Variants in SUSD1 observed in about 807,000 individuals in gnomAD.
The protein encoded by SUSD1 is sushi domain-containing protein 1.
A neutral mutation model predicts 86.9 loss-of-function variants in SUSD1; 65 were observed. That is an observed-to-expected ratio of 0.75 (90% CI 0.61 to 0.92). The LOEUF is 0.92. Ranked by LOEUF, SUSD1 falls within the 40% of genes least tolerant of loss-of-function variation. The pLI, the probability that SUSD1 is intolerant of heterozygous loss-of-function variation, is 0.00. For synonymous variants in SUSD1, 346 were observed against 350.0 expected, an observed-to-expected ratio of 0.99 and a Z score of 0.13; for missense variants, 850 against 929.7, an observed-to-expected ratio of 0.91 and a Z score of 1.11.
chr9:112,155,321 A>C (rs904703189), intron 2 of SUSD1, among the ~76,000 whole-genome samples: 9 of 151,930 alleles, frequency 5.9e-5, no homozygotes, highest in Non-Finnish European at 1.3e-4. Context: ...TGAACAGAAA[A>C]ATTTATCCAT....
chr9:112,162,022 A>G (rs896232143), intron 1 of SUSD1, among the ~76,000 whole-genome samples: 8 of 152,204 alleles, frequency 5.3e-5, no homozygotes, highest in Non-Finnish European at 1.2e-4. Context: ...AATAGTAAGA[A>G]AATATTGAAA....
At chr9:112,138,237 G>GTGTATATATATATATATATATATATATA (rs1554770274) in intron 5 of SUSD1, among the ~76,000 whole-genome samples, 1 of 4,152 alleles carries the variant, frequency 2.4e-4, no homozygotes, top group Admixed American at 3.6e-3. Context: ...AAAAAAATGT[G>GTGTATATATATATATATATATATATATA]TATATATATA....
intron 5 of SUSD1, among the ~76,000 whole-genome samples, chr9:112,132,980 A>G (rs700102): frequency 0.15 from 22,778 of 152,236 alleles, 2,267 homozygotes; most frequent in East Asian, 0.42. Context: ...AAAATGTTAT[A>G]CAGCAGAAAG....
At chr9:112,056,315 A>G (rs908998013) in intron 14 of SUSD1, among the ~76,000 whole-genome samples, 3 of 152,010 alleles carry the variant, frequency 2.0e-5, no homozygotes, top group Non-Finnish European at 4.4e-5. Context: ...AGGGCTGTGG[A>G]AGGAAGGAAT....
At chr9:112,061,006 A>G (rs1828699051) in intron 13 of SUSD1, among the ~76,000 whole-genome samples, 1 of 152,150 alleles carries the variant, frequency 6.6e-6, no homozygotes, top group South Asian at 2.1e-4. Context: ...CTTGATTATT[A>G]TACAAATTCC....
chr9:112,082,105 C>A (rs1316906801), intron 10 of SUSD1, among the ~76,000 whole-genome samples: 2 of 151,204 alleles, frequency 1.3e-5, no homozygotes, highest in East Asian at 1.9e-4. Flanking sequence ...CTAGACAATG[C>A]AGAAAAAGGC....
At chr9:112,052,799 C>T (rs1014750606) in intron 14 of SUSD1, among the ~76,000 whole-genome samples, 15 of 152,248 alleles carry the variant, frequency 9.9e-5, no homozygotes, top group Admixed American at 7.2e-4. Flanking sequence ...TGAGGTCACA[C>T]GTTCAGAAGG....
At chr9:112,144,392 C>T (rs1832718098) in intron 3 of SUSD1, among the ~76,000 whole-genome samples, 1 of 152,100 alleles carries the variant, frequency 6.6e-6, no homozygotes, top group South Asian at 2.1e-4. Flanking sequence ...TATATCCAAT[C>T]ACTATAAATA....
chr9:112,157,747 A>C (rs1488512967), intron 1 of SUSD1, 134 bp from the exon 2 acceptor site: 4 of 580,862 alleles, frequency 6.9e-6, no homozygotes, highest in Middle Eastern at 2.6e-4. Context: ...CATCCTTAAA[A>C]ACCTTCAGTG....
At chr9:112,163,965 C>T (rs1589751424) in intron 1 of SUSD1, among the ~76,000 whole-genome samples, 1 of 151,642 alleles carries the variant, frequency 6.6e-6, no homozygotes, top group Non-Finnish European at 1.5e-5. Flanking sequence ...TGTGCCACTG[C>T]ACTCCAGGCT....
chr9:112,173,870 C>G lies in SUSD1; in HGVS notation c.103+1263G>C. The G allele has an allele frequency of 1.0e-5, 3 of 299,356 alleles. No homozygotes were observed. The South Asian group carries it at 1.0e-4, about 10-fold the overall frequency. The allele number at this position is 299,356 out of a possible 1,614,324, so 18.5% of individuals were successfully genotyped here. A position where few individuals can be genotyped will look rare whatever the true frequency, so the allele number is the denominator to read the frequency against. On this transcript the variant is annotated intron_variant, in intron 1 of 16. Coordinates refer to ENST00000374270, the MANE Select transcript of SUSD1 (RefSeq NM_022486.5). ...TGTTTGTCAGGAACTTGGGGTCCACCCCTTTAAAAGATTCGTATCTTTGTG... is the reference window on the plus strand; with the variant it reads ...TGTTTGTCAGGAACTTGGGGTCCACGCCTTTAAAAGATTCGTATCTTTGTG...
In SUSD1 at chr9:112,096,441, A is replaced by G. The variant is rs1359190119; in HGVS notation, c.1474+2029T>C. 4.6e-5 allele frequency among the ~76,000 whole-genome samples: 7 copies of G among 152,290 alleles called. No individual in the cohort carries two copies. In the South Asian group the frequency reaches 1.4e-3, roughly 32 times the overall value. ...GAACACACTCTCCACTCAGCAGGAC[A>G]CTCTGGCCAAGACTCAGCAGAAAAG... is the stretch of plus-strand genomic sequence containing the variant. On this transcript the variant is annotated intron_variant, in intron 10 of 16. Coordinates refer to ENST00000374270, the MANE Select transcript of SUSD1 (RefSeq NM_022486.5).
At chr9:112,135,547 A>G (rs1011694608) in intron 5 of SUSD1, among the ~76,000 whole-genome samples, 1 of 152,242 alleles carries the variant, frequency 6.6e-6, no homozygotes, top group Non-Finnish European at 1.5e-5. Context: ...TGATGCTTTG[A>G]GCTGCATATG....
In SUSD1 at chr9:112,161,747, G is replaced by A. The variant is rs530527313; in HGVS notation, c.104-4134C>T. ...TGAAGCAGGAGAATCGCTTGAACCC[G>A]GGAGGCGGAGGTTGCAGTGAGCTGA... On this transcript the variant is annotated intron_variant, in intron 1 of 16. Coordinates refer to ENST00000374270, the MANE Select transcript of SUSD1 (RefSeq NM_022486.5). 2.2e-4 allele frequency among the ~76,000 whole-genome samples: 33 copies of A among 150,910 alleles called. 1 individual carries two copies. The highest frequency in any genetic ancestry group is 1.3e-3 in the South Asian group (6 of 4,746).
chr9:112,048,624 G>A lies in SUSD1; in HGVS notation c.2149+3775C>T, dbSNP rs569819352. Among the ~76,000 whole-genome samples the A allele has an allele frequency of 2.0e-5, 3 of 152,124 alleles. No individual in the cohort carries two copies. The South Asian group carries it at 6.2e-4, about 32-fold the overall frequency. ...TCCTCCTCTTCAAATGCCCTTCAAG[G>A]GTGTAAAATCTAGTAGTAGAAGACA... is the stretch of plus-strand genomic sequence containing the variant. On this transcript the variant is annotated intron_variant, in intron 15 of 16. Coordinates refer to ENST00000374270, the MANE Select transcript of SUSD1 (RefSeq NM_022486.5).
intron 12 of SUSD1, among the ~76,000 whole-genome samples, chr9:112,077,552 G>A (rs1283288109): frequency 1.2e-5 from 1 of 80,614 alleles, no homozygotes; most frequent in Admixed American, 2.1e-4. Flanking sequence ...TGCTCTTGTT[G>A]CCTAGGCTGG....
intron 2 of SUSD1, among the ~76,000 whole-genome samples, chr9:112,155,908 AAG>A (rs1286333602): frequency 1.3e-5 from 2 of 151,374 alleles, no homozygotes; most frequent in Admixed American, 6.6e-5. Flanking sequence ...GGAGAAAAGA[AAG>A]AAGAGGAGGA....
rs1413331723 is a variant in SUSD1 at position 112,052,527 on chromosome 9, C to T, written c.2110-89G>A. 3 of 1,453,124 alleles carry T rather than the reference C, an allele frequency of 2.1e-6. No homozygotes were observed. The African/African-American group carries it at 4.2e-5, about 20-fold the overall frequency. 90.0% of individuals were successfully genotyped at this position (1,453,124 alleles called of 1,614,324 possible). A position where few individuals can be genotyped will look rare whatever the true frequency, so the allele number is the denominator to read the frequency against. ...TTGGAGGCTGAAGCCCTCTGAGTTT[C>T]AGCTTTTTCAATCTCTTAATCTGAA... On this transcript the variant is annotated intron_variant, in intron 14 of 16. Coordinates refer to ENST00000374270, the MANE Select transcript of SUSD1 (RefSeq NM_022486.5).
chr9:112,062,393 C>T (rs917585691), intron 13 of SUSD1, among the ~76,000 whole-genome samples: 14 of 152,086 alleles, frequency 9.2e-5, no homozygotes, highest in Non-Finnish European at 1.5e-4. Context: ...ATATAGGGTC[C>T]TTTAGAAGTC....
Sources: allele counts gnomAD v4.1 joint callset (sites outside exome capture counted in the v4.1 genomes callset), GRCh38; gene constraint gnomAD v4.1.1; transcripts MANE v1.5; gene names NCBI Gene and HGNC (gene_info 2026-07-23, HGNC 2026-07-21).